The following FBN2 variants were observed in gnomAD, a reference collection of about 807,000 sequenced individuals.
FBN2 encodes the protein fibrillin-2.
In FBN2, 105 loss-of-function variants were observed where a neutral mutation model predicts 355.6. The observed-to-expected ratio is 0.30, with a 90% confidence interval of 0.25 to 0.35. FBN2 has a LOEUF of 0.35. Among genes scored for constraint, FBN2 ranks in the 10% least tolerant of loss-of-function variants. FBN2 has a pLI of 1.00. For missense variants in FBN2, 3,280 were observed against 3,758.7 expected, an observed-to-expected ratio of 0.87 and a Z score of 3.33; for synonymous variants, 1,350 against 1,301.2, an observed-to-expected ratio of 1.04 and a Z score of -0.81.
chr5:128,305,391 A>G, intron 44 of FBN2, 120 bp downstream of exon 44: 15 of 1,107,818 alleles, frequency 1.4e-5, no homozygotes, highest in Non-Finnish European at 2.1e-5. Context: ...AAATAGGTTC[A>G]CTATAAATGA....
intron 33 of FBN2, 112 bp from the exon 34 acceptor site, chr5:128,328,933 T>G (rs1235043708): frequency 9.1e-7 from 1 of 1,093,936 alleles, no homozygotes; most frequent in Non-Finnish European, 1.4e-6. Context: ...CTCATTAACA[T>G]GAAACAACAG....
At chr5:128,534,663 AAT>A (rs1561503157) in intron 2 of FBN2, among the ~76,000 whole-genome samples, 4 of 152,220 alleles carry the variant, frequency 2.6e-5, no homozygotes, top group Admixed American at 6.5e-5. Flanking sequence ...TGCAGATTAC[AAT>A]AGTCACTGTT....
chr5:128,333,179 T>C (rs1263755132), intron 31 of FBN2, 145 bp from the exon 32 acceptor site: 2 of 723,612 alleles, frequency 2.8e-6, no homozygotes, highest in African/African-American at 3.6e-5. Flanking sequence ...TTATTTTTAA[T>C]TTTTGTAGGC....
chr5:128,521,382 G>A (rs1756430225), intron 4 of FBN2, among the ~76,000 whole-genome samples: 1 of 152,078 alleles, frequency 6.6e-6, no homozygotes, highest in Non-Finnish European at 1.5e-5. Flanking sequence ...GGCAGGGGGA[G>A]GGAGAGCTTC....
At position 128,286,322 on chromosome 5, in the gene FBN2, A is replaced by G. The variant is rs372569560; in HGVS notation, c.7012+396T>C. On this transcript the variant is annotated intron_variant, in intron 55 of 64. Coordinates refer to ENST00000262464, the MANE Select transcript of FBN2 (RefSeq NM_001999.4). ...CTTTTGTAAAATAATTAAAATTGAC[A>G]GATACAGCTAAAATCACCTCAGACT... Among the ~76,000 whole-genome samples, 4 of 152,206 alleles carry G rather than the reference A, an allele frequency of 2.6e-5. No individual in the cohort carries two copies. The East Asian group carries it at 7.7e-4, about 29-fold the overall frequency.
chr5:128,297,374 T>A (rs1021097190), intron 48 of FBN2, among the ~76,000 whole-genome samples: 2 of 152,182 alleles, frequency 1.3e-5, no homozygotes, highest in African/African-American at 4.8e-5. Flanking sequence ...AGAGCTGAGT[T>A]CAATTCCTGG....
At position 128,357,393 on chromosome 5, in the gene FBN2, T is replaced by G. The variant is rs148598779; in HGVS notation, c.2557A>C (p.Ile853Leu). Residue 853 changes from isoleucine (I) to leucine (L), a missense_variant and splice_region_variant, in exon 20 of 65, where the codon ATA (isoleucine) becomes CTA (leucine). Ile to Leu is a conservative substitution (Grantham distance 5). Transcript: ENST00000262464. ...FRTETETCED[I>L]NECESNPCVN... Reference sequence around the variant, plus strand: ...CATGGGTTGCTTTCACATTCATTTATATCTACAATCCAGAAGGAAAAGATT... The same window carrying G: ...CATGGGTTGCTTTCACATTCATTTAGATCTACAATCCAGAAGGAAAAGATT... 75 of 1,613,748 alleles carry G rather than the reference T, an allele frequency of 4.6e-5. No individual in the cohort carries two copies. In the South Asian group the frequency reaches 7.9e-4, roughly 17 times the overall value.
At chr5:128,340,818 CCTCTCTCTCTCTCTCT>C (rs752335442) in intron 25 of FBN2, among the ~76,000 whole-genome samples, 1 of 150,272 alleles carries the variant, frequency 6.7e-6, no homozygotes, top group East Asian at 2.0e-4. Flanking sequence ...TCTCTCTCTC[CCTCTCTCTCTCTCTCT>C]CTATATATAT....
chr5:128,377,945 GA>G (rs1167021840), intron 12 of FBN2, 68 bp from the exon 13 acceptor site: 3 of 1,407,296 alleles, frequency 2.1e-6, no homozygotes, highest in African/African-American at 2.9e-5. Context: ...AGTAAGATAA[GA>G]AATGGAATTT....
Position 128,330,476 on chromosome 5 carries a change from CT to C in FBN2, c.4345+96del. On this transcript the variant is annotated intron_variant, in intron 33 of 64. Transcript: ENST00000262464. ...TCAAGTATAAAAAAAGAGGTAGTTA[CT>C]TTTGTCTCCTTTAATTATAATTTTC... 4 of 1,331,208 alleles carry C rather than the reference CT, an allele frequency of 3.0e-6. No homozygotes were observed. The South Asian group carries it at 4.8e-5, about 16-fold the overall frequency. 82.5% of individuals were successfully genotyped at this position (1,331,208 alleles called of 1,614,324 possible). A position where few individuals can be genotyped will look rare whatever the true frequency, so the allele number is the denominator to read the frequency against.
chr5:128,390,941 T>G (rs1016074095), intron 11 of FBN2, among the ~76,000 whole-genome samples: 10 of 152,186 alleles, frequency 6.6e-5, no homozygotes, highest in African/African-American at 2.4e-4. Context: ...TTTTTATGAG[T>G]TTGATGGTGA....
chr5:128,508,063 TTGTC>T (rs1309277278), intron 5 of FBN2, among the ~76,000 whole-genome samples: 2 of 152,090 alleles, frequency 1.3e-5, no homozygotes, highest in Admixed American at 1.3e-4. Context: ...GAAATCTTCT[TTGTC>T]TGATATTAAC....
At chr5:128,281,660 A>T (rs1007626294) in intron 55 of FBN2, among the ~76,000 whole-genome samples, 1 of 152,086 alleles carries the variant, frequency 6.6e-6, no homozygotes, top group Non-Finnish European at 1.5e-5. Context: ...ATTTAAAAAA[A>T]TTAGTGTATG....
At chr5:128,266,505 C>A (rs1765116722) in intron 62 of FBN2, among the ~76,000 whole-genome samples, 1 of 152,176 alleles carries the variant, frequency 6.6e-6, no homozygotes, top group Non-Finnish European at 1.5e-5. Context: ...TAAAGGGGAA[C>A]TGGGATACAC....
At chr5:128,330,826 T>A in intron 32 of FBN2, 131 bp from the exon 33 acceptor site, 1 of 1,014,574 alleles carries the variant, frequency 9.9e-7, no homozygotes, top group Non-Finnish European at 1.5e-6. Flanking sequence ...ATCACAGTTC[T>A]AATTCGCTAA....
chr5:128,344,493 C>A lies in FBN2; in HGVS notation c.3235G>T (p.Ala1079Ser), dbSNP rs774996980. 129 of 1,613,726 alleles carry A rather than the reference C, an allele frequency of 8.0e-5. No homozygotes were observed. The highest frequency in any genetic ancestry group is 6.5e-4 in the Admixed American group (39 of 60,010). The change falls in exon 25 of 65, where the codon GCA becomes TCA. Residue 1079 changes from alanine (A) to serine (S), a missense_variant. By Grantham distance (99) the Ala-to-Ser change is moderately conservative (BLOSUM62 1). Coordinates refer to ENST00000262464, the MANE Select transcript of FBN2 (RefSeq NM_001999.4). ...PFYKDINECK[A>S]FPGMCTYGKC... ...CCATAAGTGCACATCCCAGGAAATGCTTTGCATTCATTGATGTCTAAAAGC... is the reference window on the plus strand; with the variant it reads ...CCATAAGTGCACATCCCAGGAAATGATTTGCATTCATTGATGTCTAAAAGC...
At chr5:128,347,139 A>G (rs950515181) in intron 23 of FBN2, among the ~76,000 whole-genome samples, 3 of 152,218 alleles carry the variant, frequency 2.0e-5, no homozygotes, top group Non-Finnish European at 2.9e-5. Flanking sequence ...GGCCTGAGTC[A>G]TACTGTGAGG....
chr5:128,350,334 T>A (rs1264531413), intron 21 of FBN2, among the ~76,000 whole-genome samples: 1 of 152,116 alleles, frequency 6.6e-6, no homozygotes, highest in Non-Finnish European at 1.5e-5. Context: ...GTGGATTACT[T>A]GAAGTCAGGA....
intron 4 of FBN2, among the ~76,000 whole-genome samples, chr5:128,522,981 A>G (rs904724448): frequency 6.6e-6 from 1 of 152,104 alleles, no homozygotes; most frequent in Non-Finnish European, 1.5e-5. Flanking sequence ...GAGAAAACAC[A>G]CTGTTTTTCC....
Sources: allele counts gnomAD v4.1 joint callset (sites outside exome capture counted in the v4.1 genomes callset), GRCh38; gene constraint gnomAD v4.1.1; transcripts MANE v1.5; gene names NCBI Gene and HGNC (gene_info 2026-07-23, HGNC 2026-07-21).